ZNF676: variants seen among roughly 807,000 people sequenced by gnomAD.
The protein encoded by ZNF676 is zinc finger protein 676.
A neutral mutation model predicts 6.0 loss-of-function variants in ZNF676; 4 were observed. The observed-to-expected ratio is 0.67, with a 90% CI of 0.33 to 1.53. ZNF676 has a LOEUF of 1.53. Ranked by LOEUF, ZNF676 falls within the 40% of genes most tolerant of loss-of-function variation. ZNF676 has a pLI of 0.06. For missense variants in ZNF676, 644 were observed against 679.7 expected (o/e 0.95, Z 0.58); for synonymous variants, 198 against 223.1 (o/e 0.89, Z 1.00).
chr19:22,260,215 A>G, the ZNF676 span, among the ~76,000 whole-genome samples: 1 of 152,184 alleles, frequency 6.6e-6, no homozygotes, highest in African/African-American at 2.4e-5. Flanking sequence ...GGTGGCCAGC[A>G]TCTAATAATT....
the ZNF676 span, among the ~76,000 whole-genome samples, chr19:22,229,331 C>T: frequency 2.0e-5 from 3 of 152,130 alleles, no homozygotes; most frequent in Non-Finnish European, 4.4e-5. Flanking sequence ...CCCTTCCTTA[C>T]ACCATATACA....
intron 2 of ZNF676, among the ~76,000 whole-genome samples, chr19:22,190,652 TATATATATATATAC>T (rs1438382982): frequency 8.0e-6 from 1 of 124,518 alleles, no homozygotes; most frequent in South Asian, 2.2e-4. Flanking sequence ...TATATATATA[TATATATATATATAC>T]ATACACACTT....
chr19:22,239,836 A>T, the ZNF676 span, among the ~76,000 whole-genome samples: 1 of 151,976 alleles, frequency 6.6e-6, no homozygotes, highest in South Asian at 2.1e-4. Context: ...TCCCCTTTGG[A>T]TGGTGCACAG....
chr19:22,183,960 A>G (rs1397052348), intron 2 of ZNF676, among the ~76,000 whole-genome samples: 2 of 152,236 alleles, frequency 1.3e-5, no homozygotes, highest in Non-Finnish European at 2.9e-5. Context: ...AAATATATAA[A>G]GCAAATATTG....
intron 1 of ZNF676, among the ~76,000 whole-genome samples, chr19:22,193,582 C>A (rs1171125663): frequency 3.3e-5 from 5 of 151,980 alleles, no homozygotes; most frequent in Admixed American, 3.3e-4. Context: ...CCAACAGCGC[C>A]TATTGAAAAT....
At chr19:22,194,264 G>A (rs1470158400) in intron 1 of ZNF676, among the ~76,000 whole-genome samples, 1 of 152,166 alleles carries the variant, frequency 6.6e-6, no homozygotes, top group Non-Finnish European at 1.5e-5. Flanking sequence ...GCAAGAGGCA[G>A]TGTGGCATCA....
At chr19:22,257,648 GGA>G in the ZNF676 span, among the ~76,000 whole-genome samples, 1 of 152,336 alleles carries the variant, frequency 6.6e-6, no homozygotes, top group Middle Eastern at 3.4e-3. Flanking sequence ...AGGCAGGAGA[GGA>G]GAGTCACATA....
chr19:22,241,065 T>C, the ZNF676 span, among the ~76,000 whole-genome samples: 1 of 151,860 alleles, frequency 6.6e-6, no homozygotes, highest in Non-Finnish European at 1.5e-5. Context: ...CATCACAATG[T>C]CCTCTATGGG....
intron 1 of ZNF676, among the ~76,000 whole-genome samples, chr19:22,215,055 A>AAC (rs1386877427): frequency 2.3e-4 from 24 of 105,536 alleles, no homozygotes; most frequent in African/African-American, 1.1e-3. Context: ...AAAAAAAAAA[A>AAC]AAAAACAACA....
In ZNF676 at chr19:22,196,173, C is replaced by A. The variant is rs2023964566; in HGVS notation, c.34+427G>T. ...GACCAACTCAGCATTCCACTGGAGG[C>A]TATATGATCAAACAGCAAACTGTTT... On this transcript the variant is annotated intron_variant, in intron 1 of 2. Transcript: ENST00000397121. Among the ~76,000 whole-genome samples the A allele has an allele frequency of 2.6e-5, 4 of 152,202 alleles. No individual in the cohort carries two copies. In the South Asian group the frequency reaches 8.3e-4, roughly 32 times the overall value.
upstream of ZNF676, among the ~76,000 whole-genome samples, chr19:22,220,461 G>GTTTTTT (rs58810797): frequency 2.2e-3 from 253 of 115,368 alleles, 3 homozygotes; most frequent in African/African-American, 8.1e-3. Context: ...TTTGTTGGCA[G>GTTTTTT]TTTTTTTTTT....
chr19:22,205,422 A>T (rs2024067566), intron 1 of ZNF676, among the ~76,000 whole-genome samples: 1 of 152,182 alleles, frequency 6.6e-6, no homozygotes, highest in Non-Finnish European at 1.5e-5. Context: ...AACAATTCTC[A>T]GCAAATTCAA....
intron 1 of ZNF676, among the ~76,000 whole-genome samples, chr19:22,214,843 C>A (rs1336961881): frequency 6.6e-6 from 1 of 151,156 alleles, no homozygotes; most frequent in Admixed American, 6.6e-5. Context: ...ATCGAGACTA[C>A]CCTGACTAAC....
intron 1 of ZNF676, among the ~76,000 whole-genome samples, chr19:22,215,400 A>C (rs975177133): frequency 2.0e-5 from 3 of 152,172 alleles, no homozygotes; most frequent in Non-Finnish European, 4.4e-5. Flanking sequence ...GAGGGTGCAG[A>C]GCTGCCCCAA....
chr19:22,236,375 T>A, the ZNF676 span, among the ~76,000 whole-genome samples: 1 of 152,170 alleles, frequency 6.6e-6, no homozygotes, highest in Non-Finnish European at 1.5e-5. Context: ...ATTAAGTACA[T>A]GACCTCCATA....
chr19:22,179,685 A>G lies in ZNF676; in HGVS notation c.*265T>C. Reference sequence around the variant, plus strand: ...GTGAGGAACAGTTGAAGTCTTTATCACATTCTTCGCATTTGTAGGGTTTCT... The same window carrying G: ...GTGAGGAACAGTTGAAGTCTTTATCGCATTCTTCGCATTTGTAGGGTTTCT... On this transcript the variant is annotated 3_prime_UTR_variant, in exon 3 of 3. Transcript: ENST00000397121. 1 of 688,044 alleles carries G rather than the reference A, an allele frequency of 1.5e-6. No individual in the cohort carries two copies. The highest frequency in any genetic ancestry group is 2.7e-6 in the Non-Finnish European group (1 of 377,206). 42.6% of individuals were successfully genotyped at this position (688,044 alleles called of 1,614,324 possible). A position where few individuals can be genotyped will look rare whatever the true frequency, so the allele number is the denominator to read the frequency against.
At chr19:22,250,337 C>A in the ZNF676 span, among the ~76,000 whole-genome samples, 2 of 151,896 alleles carry the variant, frequency 1.3e-5, no homozygotes, top group Non-Finnish European at 2.9e-5. Flanking sequence ...AAAAAAAAGA[C>A]AGGAGACAAA....
rs773875760 is a variant in ZNF676, at chr19:22,179,922, T to C, written c.*28A>G. 2 of 1,602,850 alleles carry C rather than the reference T, an allele frequency of 1.2e-6. No individual in the cohort carries two copies. The highest frequency in any genetic ancestry group is 1.3e-5 in the African/African-American group (1 of 74,374). Reference sequence around the variant, plus strand: ...TATGTTTACTAGACTGAGAATCAGCTGAAGGATTTACCACATTCTTCACAT... The same window carrying C: ...TATGTTTACTAGACTGAGAATCAGCCGAAGGATTTACCACATTCTTCACAT... On this transcript the variant is annotated 3_prime_UTR_variant, in exon 3 of 3. Transcript: ENST00000397121.
the ZNF676 span, among the ~76,000 whole-genome samples, chr19:22,240,612 G>C: frequency 6.6e-6 from 1 of 151,930 alleles, no homozygotes; most frequent in Non-Finnish European, 1.5e-5. Flanking sequence ...TGACCAACAA[G>C]GTGAAGCCCC....
Sources: gnomAD v4.1 joint callset for allele counts (sites outside exome capture counted in the v4.1 genomes callset) on GRCh38, gnomAD v4.1.1 for gene constraint, MANE v1.5 for transcripts, NCBI Gene and HGNC (gene_info 2026-07-23, HGNC 2026-07-21) for gene names.